The following OXNAD1 variants were observed in gnomAD, a reference collection of about 807,000 sequenced individuals.
OXNAD1 encodes oxidoreductase NAD-binding domain-containing protein 1.
In OXNAD1, 34 loss-of-function variants were observed where a neutral mutation model predicts 32.9. The ratio of observed to expected loss-of-function variants is 1.03; its 90% CI spans 0.79 to 1.38. The LOEUF (loss-of-function observed/expected upper bound fraction) is 1.38, where lower values mean the gene tolerates loss of function less well. Among genes scored for constraint, OXNAD1 ranks in the 40% most tolerant of loss-of-function variants. OXNAD1 has a pLI of 0.00. For missense variants in OXNAD1, 407 were observed against 379.4 expected (o/e 1.07, Z -0.60); for synonymous variants, 134 against 135.2 (o/e 0.99, Z 0.06).
chr3:16,302,860 A>G lies in OXNAD1; in HGVS notation c.784+112A>G. ...GAAGCTGCTGGCTGGGAATGTCACT[A>G]TCTGGGGAATTGGGATGATTCCTCA... On this transcript the variant is annotated intron_variant, in intron 8 of 8. Coordinates refer to ENST00000285083, the MANE Select transcript of OXNAD1 (RefSeq NM_138381.5). This position sits in a 1 kb window ranked among gnomAD's most constrained non-coding sequence, Gnocchi z 4.2. The G allele has an allele frequency of 1.2e-6, 1 of 800,710 alleles. No homozygotes were observed. The highest frequency in any genetic ancestry group is 2.7e-5 in the East Asian group (1 of 37,364). 49.6% of individuals were successfully genotyped at this position (800,710 alleles called of 1,614,324 possible).
At chr3:16,266,078 G>A (rs1026175566) in intron 1 of OXNAD1, among the ~76,000 whole-genome samples, 3 of 152,186 alleles carry the variant, frequency 2.0e-5, no homozygotes, top group African/African-American at 4.8e-5. Context: ...TAGTGAAAAA[G>A]CACTTTCGAG....
chr3:16,320,962 A>C lies in OXNAD1; in HGVS notation c.*31-16150A>C, dbSNP rs1345177377. 6.6e-6 allele frequency among the ~76,000 whole-genome samples: 1 copy of C among 152,228 alleles called. No individual in the cohort carries two copies. Among genetic ancestry groups the C allele is most frequent in the African/African-American group, 2.4e-5 (1 of 41,462 alleles). On this transcript the variant is annotated intron_variant, in intron 9 of 9. Transcript: ENST00000435829. This position sits in a 1 kb window ranked among gnomAD's most constrained non-coding sequence, Gnocchi z 4.5. Reference sequence around the variant, plus strand: ...AATAGGGAACCTATTTGAAGGGGATATCTATTATTAGGAGATTAGAATAGC... The same window carrying C: ...AATAGGGAACCTATTTGAAGGGGATCTCTATTATTAGGAGATTAGAATAGC...
downstream of OXNAD1, among the ~76,000 whole-genome samples, chr3:16,350,845 G>A (rs2072049607): frequency 6.6e-6 from 1 of 152,156 alleles, no homozygotes; most frequent in Admixed American, 6.5e-5. Context: ...TAATTATCTT[G>A]GAGAAACTGT....
intron 4 of OXNAD1, among the ~76,000 whole-genome samples, chr3:16,279,145 C>T (rs186230621): frequency 9.8e-5 from 15 of 152,310 alleles, no homozygotes; most frequent in Non-Finnish European, 1.3e-4. Context: ...GTGCTTGACG[C>T]TCCTGGCTTC....
chr3:16,280,139 G>A lies in OXNAD1; in HGVS notation c.184-6203G>A, dbSNP rs2065639402. Among the ~76,000 whole-genome samples, 1 of 152,178 alleles carries A rather than the reference G, an allele frequency of 6.6e-6. No individual in the cohort carries two copies. The highest frequency in any genetic ancestry group is 2.1e-4 in the South Asian group (1 of 4,822). On this transcript the variant is annotated intron_variant, in intron 4 of 8. Coordinates refer to ENST00000285083, the MANE Select transcript of OXNAD1 (RefSeq NM_138381.5). The surrounding 1 kb of genome is among the most constrained non-coding windows in gnomAD (Gnocchi z 4.5). Reference sequence around the variant, plus strand: ...AAAGTGCCTGACATATGGTAAGGATGTCTATAAGTGTTTGCTGCTGTTGTT... The same window carrying A: ...AAAGTGCCTGACATATGGTAAGGATATCTATAAGTGTTTGCTGCTGTTGTT...
Position 16,277,807 on chromosome 3 carries a change from T to C in OXNAD1, c.183+6085T>C, listed in dbSNP as rs547695185. ...CTTGGGACTGTAACTGTAAGTAGTC[T>C]GAGATTGTGCTGATGGAGGAAACTG... On this transcript the variant is annotated intron_variant, in intron 4 of 8. Coordinates refer to ENST00000285083, the MANE Select transcript of OXNAD1 (RefSeq NM_138381.5). The surrounding 1 kb of genome is among the most constrained non-coding windows in gnomAD (Gnocchi z 4.3). Among the ~76,000 whole-genome samples, 3 of 152,360 alleles carry C rather than the reference T, an allele frequency of 2.0e-5. No homozygotes were observed. The highest frequency in any genetic ancestry group is 2.0e-4 in the Admixed American group (3 of 15,306).
At position 16,324,333 on chromosome 3, in the gene OXNAD1, C is replaced by T. The variant is rs191954828; in HGVS notation, c.*31-12779C>T. Among the ~76,000 whole-genome samples, 256 of 152,238 alleles carry T rather than the reference C, an allele frequency of 1.7e-3. 1 individual carries two copies. Among genetic ancestry groups the T allele is most frequent in the African/African-American group, 5.6e-3 (231 of 41,530 alleles). On this transcript the variant is annotated intron_variant, in intron 9 of 9. Transcript: ENST00000435829. ...TTTAGGAACTGTAAACTATACAAGG[C>T]ATTATTGTTTATAATAGTCACCATT...
At position 16,314,779 on chromosome 3, in the gene OXNAD1, A is replaced by T. The variant is rs767888509; in HGVS notation, c.*30+11187A>T. The T allele has an allele frequency of 6.6e-6, 1 of 152,224 alleles. No individual in the cohort carries two copies. The highest frequency in any genetic ancestry group is 1.5e-5 in the Non-Finnish European group (1 of 68,028). The allele number at this position is 152,224 out of a possible 1,614,324, so 9.4% of individuals were successfully genotyped here. On this transcript the variant is annotated intron_variant, in intron 9 of 9. Transcript: ENST00000435829. The surrounding 1 kb of genome is among the most constrained non-coding windows in gnomAD (Gnocchi z 4.4). Reference sequence around the variant, plus strand: ...TTGAAAAATGTACCCAAAGCTGAGCAATGTAAGGCCCTCTAGCCTGGAACC... The same window carrying T: ...TTGAAAAATGTACCCAAAGCTGAGCTATGTAAGGCCCTCTAGCCTGGAACC...
Position 16,271,193 on chromosome 3 carries a change from T to G in OXNAD1, c.119+122T>G. ...AACACCTTAGCTTCAATGTGCATGCTGTCAGGTTGTTAACCGTTTTTTTTG... is the reference window on the plus strand; with the variant it reads ...AACACCTTAGCTTCAATGTGCATGCGGTCAGGTTGTTAACCGTTTTTTTTG... On this transcript the variant is annotated intron_variant, in intron 3 of 8. Coordinates refer to ENST00000285083, the MANE Select transcript of OXNAD1 (RefSeq NM_138381.5). The surrounding 1 kb of genome is among the most constrained non-coding windows in gnomAD (Gnocchi z 4.6). 16 of 1,152,474 alleles carry G rather than the reference T, an allele frequency of 1.4e-5. No individual in the cohort carries two copies. The highest frequency in any genetic ancestry group is 2.4e-5 in the East Asian group (1 of 41,084). 71.4% of individuals were successfully genotyped at this position (1,152,474 alleles called of 1,614,324 possible). A position where few individuals can be genotyped will look rare whatever the true frequency, so the allele number is the denominator to read the frequency against.
chr3:16,286,266 G>A, intron 4 of OXNAD1, 76 bp from the exon 5 acceptor site: 1 of 1,173,748 alleles, frequency 8.5e-7, no homozygotes, highest in Non-Finnish European at 1.3e-6. Flanking sequence ...AAAAACCTTA[G>A]TTCTCAGGAT....
At position 16,265,775 on chromosome 3, in the gene OXNAD1, G is replaced by C. The variant is rs1364080196; in HGVS notation, c.-159+270G>C. On this transcript the variant is annotated intron_variant, in intron 1 of 8. Coordinates refer to ENST00000285083, the MANE Select transcript of OXNAD1 (RefSeq NM_138381.5). This position sits in a 1 kb window ranked among gnomAD's most constrained non-coding sequence, Gnocchi z 4.8. ...ATTAATCTTTAAACTGAGGTACAGAGAGTTGGGCATCTTGACTAAAATCAT... is the reference window on the plus strand; with the variant it reads ...ATTAATCTTTAAACTGAGGTACAGACAGTTGGGCATCTTGACTAAAATCAT... 3 of 694,658 alleles carry C rather than the reference G, an allele frequency of 4.3e-6. No individual in the cohort carries two copies. The highest frequency in any genetic ancestry group is 5.3e-6 in the Non-Finnish European group (3 of 564,634). The allele number at this position is 694,658 out of a possible 1,614,324, so 43.0% of individuals were successfully genotyped here.
In OXNAD1 at chr3:16,348,534, C is replaced by G. The variant is rs943117571; in HGVS notation, c.*31-642C>G. On this transcript the variant is annotated intron_variant, in intron 9 of 9. Coordinates refer to the OXNAD1 transcript ENST00000606098. This position sits in a 1 kb window ranked among gnomAD's most constrained non-coding sequence, Gnocchi z 6.3. ...CAGGAGGCCTTGTTCAGTCTCTGCT[C>G]TCTCCCAGGGCACTTCTGGTCAGCA... Among the ~76,000 whole-genome samples, 1 of 152,078 alleles carries G rather than the reference C, an allele frequency of 6.6e-6. No individual in the cohort carries two copies. Among genetic ancestry groups the G allele is most frequent in the African/African-American group, 2.4e-5 (1 of 41,422 alleles).
rs541943667 is a variant in OXNAD1 at position 16,271,511 on chromosome 3, T to C, written c.120-148T>C. ...GAGCCACCATGCCCGGCCAAAACTT[T>C]AGTTAGACGGGCAGATACTCACTGG... On this transcript the variant is annotated intron_variant, in intron 3 of 8. Coordinates refer to ENST00000285083, the MANE Select transcript of OXNAD1 (RefSeq NM_138381.5). The surrounding 1 kb of genome is among the most constrained non-coding windows in gnomAD (Gnocchi z 4.6). 1.5e-5 allele frequency: 10 copies of C among 656,754 alleles called. No individual in the cohort carries two copies. In the East Asian group the frequency reaches 2.2e-4, roughly 14 times the overall value. The allele number at this position is 656,754 out of a possible 1,614,324, so 40.7% of individuals were successfully genotyped here. A position where few individuals can be genotyped will look rare whatever the true frequency, so the allele number is the denominator to read the frequency against.
At chr3:16,283,937 A>G (rs2065913412) in intron 4 of OXNAD1, among the ~76,000 whole-genome samples, 1 of 152,220 alleles carries the variant, frequency 6.6e-6, no homozygotes, top group South Asian at 2.1e-4. Flanking sequence ...GAAAGACCCC[A>G]ACCGTCAAAG....
chr3:16,266,379 G>A (rs985074073), intron 1 of OXNAD1, among the ~76,000 whole-genome samples: 1 of 151,972 alleles, frequency 6.6e-6, no homozygotes, highest in Non-Finnish European at 1.5e-5. Flanking sequence ...TCCTAAAAGG[G>A]CGGATCACGA....
At chr3:16,269,587 TTC>T (rs1409742386) in intron 2 of OXNAD1, among the ~76,000 whole-genome samples, 3 of 152,216 alleles carry the variant, frequency 2.0e-5, no homozygotes, top group African/African-American at 7.2e-5. Flanking sequence ...TTTATTTATT[TTC>T]TGTCTTCATC....
intron 9 of OXNAD1, among the ~76,000 whole-genome samples, chr3:16,325,638 C>A (rs902138025): frequency 6.6e-6 from 1 of 152,108 alleles, no homozygotes; most frequent in Non-Finnish European, 1.5e-5. Context: ...CTATGCCTGT[C>A]GAAGTCTTGG....
rs371101800 is a variant in OXNAD1 at position 16,317,211 on chromosome 3, C to T, written c.*30+13619C>T. 1.2e-6 allele frequency: 2 copies of T among 1,612,862 alleles called. No homozygotes were observed. Among genetic ancestry groups the T allele is most frequent in the African/African-American group, 2.7e-5 (2 of 74,794 alleles). On this transcript the variant is annotated intron_variant, in intron 9 of 9. Transcript: ENST00000435829. The surrounding 1 kb of genome is among the most constrained non-coding windows in gnomAD (Gnocchi z 4.3). ...CTCATCTGCCTGTTGTGCATTTCTT[C>T]TCTGGAGAATCGCCACTGAAACTAG...
chr3:16,285,365 T>C (rs751717347), intron 4 of OXNAD1, among the ~76,000 whole-genome samples: 28 of 152,286 alleles, frequency 1.8e-4, no homozygotes, highest in Admixed American at 7.8e-4. Context: ...GCTGTGAAGG[T>C]CACACTTTCC....
Sources: allele counts gnomAD v4.1 joint callset (sites outside exome capture counted in the v4.1 genomes callset), GRCh38; gene constraint gnomAD v4.1.1; non-coding constraint Gnocchi (gnomAD v3.1); transcripts MANE v1.5; gene names NCBI Gene and HGNC (gene_info 2026-07-23, HGNC 2026-07-21).